The following DOK7 variants were observed in gnomAD, a reference collection of about 807,000 sequenced individuals.
The protein encoded by DOK7 is protein Dok-7.
DOK7 carries 32 observed loss-of-function variants against 30.7 expected under a neutral mutation model. That is an observed-to-expected ratio of 1.04 (90% CI 0.79 to 1.40). The LOEUF (loss-of-function observed/expected upper bound fraction) is 1.40, where lower values mean the gene tolerates loss of function less well. Among genes scored for constraint, DOK7 ranks in the 40% most tolerant of loss-of-function variants. DOK7 has a pLI of 0.00. For synonymous variants in DOK7, 447 were observed against 324.1 expected (o/e 1.38, Z -4.07); for missense variants, 1,007 against 699.2 (o/e 1.44, Z -4.97).
chr4:3,496,764 G>A (rs987529412), downstream of DOK7: 71 of 1,524,582 alleles, frequency 4.7e-5, no homozygotes, highest in Non-Finnish European at 6.1e-5. Context: ...GGCCCCCCGG[G>A]CACAGGATGA....
At chr4:3,494,534 C>G (rs75173882), downstream of DOK7, 107 of 984,782 alleles carry the variant, frequency 1.1e-4, 1 homozygote, top group East Asian at 9.8e-3. Context: ...CGCCCACCCT[C>G]CACGTGGGGC....
exon 7 of DOK7, chr4:3,500,377 T>C: frequency 6.5e-7 from 1 of 1,535,786 alleles, no homozygotes. Flanking sequence ...GGCCTGGAGC[T>C]CCAGGAGGCC....
At chr4:3,500,888 G>C in exon 8 of DOK7, 1 of 1,467,114 alleles carries the variant, frequency 6.8e-7, no homozygotes, top group Non-Finnish European at 9.0e-7. Context: ...GCCCCCGGCA[G>C]GCCAGCCCCT....
chr4:3,487,952 G>A (rs1209623662), intron 5 of DOK7, among the ~76,000 whole-genome samples: 1 of 152,224 alleles, frequency 6.6e-6, no homozygotes, highest in Non-Finnish European at 1.5e-5. Context: ...TCCTGCCCAC[G>A]TGGCTGAATG....
intron 2 of DOK7, among the ~76,000 whole-genome samples, chr4:3,466,114 G>C (rs140454436): frequency 6.6e-6 from 1 of 151,630 alleles, no homozygotes; most frequent in Non-Finnish European, 1.5e-5. Flanking sequence ...TCACCATGGT[G>C]GGGGGAAGCT....
chr4:3,463,573 C>A, intron 2 of DOK7, 22 bp downstream of exon 2: 2 of 315,064 alleles, frequency 6.3e-6, no homozygotes, highest in Non-Finnish European at 1.1e-5. Context: ...GGGCGGGGGA[C>A]GGGGGGCGCG....
intron 6 of DOK7, among the ~76,000 whole-genome samples, chr4:3,490,068 C>CATTCCTTTCTTCACCCCCTCATT (rs1167565404): frequency 1.0e-4 from 7 of 67,526 alleles, no homozygotes; most frequent in African/African-American, 3.1e-4. Context: ...CTTCCTCCCC[C>CATTCCTTTCTTCACCCCCTCATT]CATTCCTTTC....
rs766358840 is a variant in DOK7, at chr4:3,485,585, C to T, written c.579C>T (p.Ser193=). Residue 193 remains serine (S), a synonymous_variant, in exon 5 of 7, where the codon AGC becomes AGT. Transcript: ENST00000340083. ...FLSSAEGEQI[S]FLFDCIVRGI... ...CCTCGGCCGAGGGGGAGCAGATCAG[C>T]TTCCTGTTCGACTGCATCGTCCGAG... 18 of 1,608,468 alleles carry T rather than the reference C, an allele frequency of 1.1e-5. No individual in the cohort carries two copies. The highest frequency in any genetic ancestry group is 1.4e-5 in the Non-Finnish European group (17 of 1,177,220).
intron 6 of DOK7, among the ~76,000 whole-genome samples, chr4:3,492,063 T>C (rs963544541): frequency 2.0e-5 from 3 of 152,184 alleles, no homozygotes; most frequent in African/African-American, 7.2e-5. Flanking sequence ...TCACAGCTGC[T>C]TTCCATTTGG....
At chr4:3,463,450 C>CGGGGGGGGG in intron 1 of DOK7, 21 bp downstream of exon 1, 12 of 1,229,766 alleles carry the variant, frequency 9.8e-6, no homozygotes, top group South Asian at 1.8e-5. Context: ...GTCGGGGGCG[C>CGGGGGGGGG]GGGGGGGGGG....
intron 2 of DOK7, 44 bp from the exon 3 acceptor site, chr4:3,473,362 C>T (rs747402942): frequency 1.3e-6 from 2 of 1,594,862 alleles, no homozygotes; most frequent in Non-Finnish European, 1.7e-6. Flanking sequence ...AGGGTGCGGG[C>T]AGGCGGTGTT....
chr4:3,498,274 G>A (rs1217901560), downstream of DOK7, among the ~76,000 whole-genome samples: 1 of 152,208 alleles, frequency 6.6e-6, no homozygotes, highest in East Asian at 1.9e-4. Context: ...AGCACTGAGG[G>A]CCCTGGAGCC....
chr4:3,493,475 G>T lies in DOK7; in HGVS notation c.1489G>T (p.Gly497Ter). Residue 497 changes from glycine (G) to a stop codon, truncating the protein, a stop_gained, in exon 7 of 7, where the codon GGA becomes TGA. Coordinates refer to ENST00000340083, the MANE Select transcript of DOK7 (RefSeq NM_173660.5). LOFTEE classifies it high-confidence loss of function. ...AFFSACPVCG[G>*]LKVNPPP ...CTTTTCGGCATGTCCAGTCTGTGGAGGACTCAAGGTAAACCCCCCTCCTTG... is the reference window on the plus strand; with the variant it reads ...CTTTTCGGCATGTCCAGTCTGTGGATGACTCAAGGTAAACCCCCCTCCTTG... The T allele has an allele frequency of 6.2e-7, 1 of 1,611,154 alleles. No individual in the cohort carries two copies. Among genetic ancestry groups the T allele is most frequent in the Non-Finnish European group, 8.5e-7 (1 of 1,179,346 alleles).
At chr4:3,496,064 C>T (rs1728893471), downstream of DOK7, among the ~76,000 whole-genome samples, 1 of 152,222 alleles carries the variant, frequency 6.6e-6, no homozygotes, top group Non-Finnish European at 1.5e-5. Flanking sequence ...TAGCTGCCGG[C>T]TGCCGGAACC....
At chr4:3,465,497 G>T (rs983095001) in intron 2 of DOK7, among the ~76,000 whole-genome samples, 2 of 152,232 alleles carry the variant, frequency 1.3e-5, no homozygotes. Flanking sequence ...CTGCTTCCTT[G>T]TAAGACAGGC....
chr4:3,463,450 CGGGGGG>C (rs71180187), intron 1 of DOK7, 21 bp downstream of exon 1: 2 of 1,229,776 alleles, frequency 1.6e-6, no homozygotes, highest in South Asian at 1.8e-5. Flanking sequence ...GTCGGGGGCG[CGGGGGG>C]GGGGGGCGCG....
Position 3,467,963 on chromosome 4 carries a change from G to A in DOK7, c.100+4412G>A, listed in dbSNP as rs1006950558. Reference sequence around the variant, plus strand: ...GAGGCTCCACCCTGATGACCTCATCGCATCCCAAAGGCCCCACCACTAACC... The same window carrying A: ...GAGGCTCCACCCTGATGACCTCATCACATCCCAAAGGCCCCACCACTAACC... On this transcript the variant is annotated intron_variant, in intron 2 of 6. Coordinates refer to ENST00000340083, the MANE Select transcript of DOK7 (RefSeq NM_173660.5). 5.3e-5 allele frequency among the ~76,000 whole-genome samples: 8 copies of A among 152,296 alleles called. No individual in the cohort carries two copies. The East Asian group carries it at 1.4e-3, about 26-fold the overall frequency.
chr4:3,485,855 G>C (rs372411578), intron 5 of DOK7, among the ~76,000 whole-genome samples, 197 bp downstream of exon 5: 3 of 152,248 alleles, frequency 2.0e-5, no homozygotes, highest in Non-Finnish European at 2.9e-5. Context: ...TCAGAGCAGC[G>C]GGGGCTGGGC....
At chr4:3,476,752 G>C (rs1016566702) in intron 4 of DOK7, among the ~76,000 whole-genome samples, 1 of 152,130 alleles carries the variant, frequency 6.6e-6, no homozygotes, top group African/African-American at 2.4e-5. Flanking sequence ...GAGGGGCCTC[G>C]GCTACCTCTG....
Sources: allele counts gnomAD v4.1 joint callset (sites outside exome capture counted in the v4.1 genomes callset), GRCh38; gene constraint gnomAD v4.1.1; transcripts MANE v1.5; gene names NCBI Gene and HGNC (gene_info 2026-07-23, HGNC 2026-07-21).